N4BP2L2: variants seen among roughly 807,000 people sequenced by gnomAD.
N4BP2L2 encodes NEDD4 binding protein 2 like 2.
In N4BP2L2, 50 loss-of-function variants were observed where a neutral mutation model predicts 56.2. The observed-to-expected ratio is 0.89, with a 90% CI of 0.71 to 1.13. The LOEUF (loss-of-function observed/expected upper bound fraction) is 1.13, where lower values mean the gene tolerates loss of function less well. N4BP2L2 is among the 50% of genes most tolerant of loss of function. The pLI is 0.00. For synonymous variants in N4BP2L2, 203 were observed against 223.6 expected (o/e 0.91, Z 0.82); for missense variants, 689 against 693.8 (o/e 0.99, Z 0.08).
chr13:32,482,704 TC>T (rs2085024439), intron 6 of N4BP2L2, among the ~76,000 whole-genome samples: 1 of 152,042 alleles, frequency 6.6e-6, no homozygotes, highest in South Asian at 2.1e-4. Context: ...AGTTTTCCTA[TC>T]AGTAGGTGAA....
intron 6 of N4BP2L2, chr13:32,446,487 C>G (rs2077072088): frequency 7.6e-7 from 1 of 1,318,668 alleles, no homozygotes; most frequent in Non-Finnish European, 1.0e-6. Flanking sequence ...CATCCTGTTG[C>G]AGGGCAAGGA....
At chr13:32,495,734 A>C (rs2088434513) in intron 6 of N4BP2L2, among the ~76,000 whole-genome samples, 1 of 151,678 alleles carries the variant, frequency 6.6e-6, no homozygotes, top group African/African-American at 2.4e-5. Flanking sequence ...CCCAGGCTTG[A>C]GTGCAGTGGC....
intron 6 of N4BP2L2, among the ~76,000 whole-genome samples, chr13:32,496,370 C>T (rs997699643): frequency 6.6e-6 from 1 of 152,092 alleles, no homozygotes; most frequent in African/African-American, 2.4e-5. Context: ...AAGACCACCG[C>T]CTTACAATTT....
intron 6 of N4BP2L2, among the ~76,000 whole-genome samples, chr13:32,472,772 G>A (rs1180123636): frequency 6.6e-6 from 1 of 152,170 alleles, no homozygotes; most frequent in Non-Finnish European, 1.5e-5. Flanking sequence ...CAATGAGAGT[G>A]AAAATAGCCT....
At chr13:32,503,172 CAAAAAAAAAA>C (rs35773755) in intron 6 of N4BP2L2, among the ~76,000 whole-genome samples, 1 of 57,996 alleles carries the variant, frequency 1.7e-5, no homozygotes, top group Non-Finnish European at 3.2e-5. Flanking sequence ...GACTCTGTAG[CAAAAAAAAAA>C]AAAAAAAAAA....
At chr13:32,474,860 G>C (rs992463368) in intron 6 of N4BP2L2, among the ~76,000 whole-genome samples, 3 of 152,072 alleles carry the variant, frequency 2.0e-5, no homozygotes, top group Admixed American at 6.5e-5. Flanking sequence ...TCTTCCTGTG[G>C]GCCGCTGACA....
intron 6 of N4BP2L2, chr13:32,444,249 G>GCACGTA: frequency 3.0e-6 from 2 of 657,208 alleles, no homozygotes; most frequent in Non-Finnish European, 4.5e-6. Flanking sequence ...TCTCAAGTGT[G>GCACGTA]CACGTACTTT....
At chr13:32,439,294 C>G (rs1432175600) in intron 7 of N4BP2L2, among the ~76,000 whole-genome samples, 3 of 152,116 alleles carry the variant, frequency 2.0e-5, no homozygotes, top group Non-Finnish European at 4.4e-5. Flanking sequence ...AGTCTTGTCT[C>G]CCAATTTAGA....
chr13:32,505,790 G>A (rs1233419695), downstream of N4BP2L2: 1 of 152,114 alleles, frequency 6.6e-6, no homozygotes, highest in Non-Finnish European at 1.5e-5. Context: ...GGTGACATAT[G>A]TATACCTCTA....
intron 6 of N4BP2L2, among the ~76,000 whole-genome samples, chr13:32,501,542 C>G (rs534786327): frequency 6.6e-6 from 1 of 151,756 alleles, no homozygotes; most frequent in Non-Finnish European, 1.5e-5. Flanking sequence ...CGGCCGGGTG[C>G]GGTGGCTCAC....
At chr13:32,520,348 G>A (rs1375914651) in intron 5 of N4BP2L2, among the ~76,000 whole-genome samples, 2 of 141,932 alleles carry the variant, frequency 1.4e-5, no homozygotes, top group Admixed American at 7.2e-5. Flanking sequence ...CGAGGAAGAC[G>A]ATAAAAGTTA....
intron 6 of N4BP2L2, chr13:32,478,757 T>G (rs2083908844): frequency 6.6e-6 from 1 of 152,176 alleles, no homozygotes; most frequent in Non-Finnish European, 1.5e-5. Context: ...TAACTGAGAA[T>G]GAATATAATG....
intron 6 of N4BP2L2, among the ~76,000 whole-genome samples, chr13:32,445,823 A>G (rs1593435271): frequency 6.6e-6 from 1 of 152,376 alleles, no homozygotes; most frequent in Non-Finnish European, 1.5e-5. Context: ...CCTTTAACGG[A>G]AGACAATATT....
intron 6 of N4BP2L2, chr13:32,446,640 C>T (rs927834566): frequency 1.3e-5 from 7 of 543,988 alleles, no homozygotes; most frequent in Non-Finnish European, 1.6e-5. Context: ...CTCAGAACAG[C>T]TCTCTACTGT....
intron 6 of N4BP2L2, among the ~76,000 whole-genome samples, chr13:32,453,744 T>C (rs141547501): frequency 2.0e-5 from 3 of 152,314 alleles, no homozygotes; most frequent in African/African-American, 7.2e-5. Context: ...TCAGTACAGA[T>C]TTTTAGTACC....
At chr13:32,510,876 A>C (rs1281301053) in exon 6 of N4BP2L2, 1 of 152,136 alleles carries the variant, frequency 6.6e-6, no homozygotes, top group Non-Finnish European at 1.5e-5. Flanking sequence ...CTTTCCTGAT[A>C]AATCAACATA....
intron 2 of N4BP2L2, among the ~76,000 whole-genome samples, chr13:32,534,060 A>G (rs184745479): frequency 1.3e-5 from 2 of 152,310 alleles, no homozygotes; most frequent in Admixed American, 1.3e-4. Context: ...TGTAACTTCC[A>G]AATCACTTAA....
At chr13:32,533,618 C>T (rs968505824) in intron 2 of N4BP2L2, among the ~76,000 whole-genome samples, 19 of 151,004 alleles carry the variant, frequency 1.3e-4, no homozygotes, top group Non-Finnish European at 7.4e-5. Flanking sequence ...GCAGCTCAGC[C>T]TCCCAAGTAG....
chr13:32,466,901 A>G (rs1452819267), intron 6 of N4BP2L2, among the ~76,000 whole-genome samples: 1 of 152,232 alleles, frequency 6.6e-6, no homozygotes, highest in Non-Finnish European at 1.5e-5. Flanking sequence ...GTCTTCCCTA[A>G]GAACTCACAT....
Sources: gnomAD v4.1 joint callset for allele counts (sites outside exome capture counted in the v4.1 genomes callset) on GRCh38, gnomAD v4.1.1 for gene constraint, MANE v1.5 for transcripts, NCBI Gene and HGNC (gene_info 2026-07-23, HGNC 2026-07-21) for gene names.